TRANK1: variants seen among roughly 807,000 people sequenced by gnomAD.
TRANK1 encodes tetratricopeptide repeat and ankyrin repeat containing 1.
TRANK1 carries 198 observed loss-of-function variants against 266.0 expected under a neutral mutation model. That is an observed-to-expected ratio of 0.74 (90% confidence interval 0.66 to 0.84). TRANK1 has a LOEUF of 0.84. Among genes scored for constraint, TRANK1 ranks in the 40% least tolerant of loss-of-function variants. TRANK1 has a pLI of 0.00. For missense variants in TRANK1, 3,326 were observed against 3,634.6 expected, an observed-to-expected ratio of 0.92 and a Z score of 2.18; for synonymous variants, 1,396 against 1,384.1, an observed-to-expected ratio of 1.01 and a Z score of -0.19.
chr3:36,858,559 T>G (rs2079090704), intron 12 of TRANK1, among the ~76,000 whole-genome samples, 159 bp downstream of exon 12: 1 of 152,204 alleles, frequency 6.6e-6, no homozygotes, highest in Admixed American at 6.5e-5. Context: ...CCCATTATGC[T>G]ACAAGTGAGG....
chr3:36,892,031 A>T (rs1298838066), intron 7 of TRANK1, among the ~76,000 whole-genome samples, 171 bp downstream of exon 7: 1 of 152,234 alleles, frequency 6.6e-6, no homozygotes, highest in Non-Finnish European at 1.5e-5. Flanking sequence ...CAGGAAAGAT[A>T]AAAATGATAC....
At chr3:36,918,331 A>G (rs1046319384) in intron 1 of TRANK1, among the ~76,000 whole-genome samples, 4 of 151,934 alleles carry the variant, frequency 2.6e-5, no homozygotes, top group African/African-American at 9.7e-5. Context: ...AATCGTTTGT[A>G]CAATATGAAT....
At chr3:36,853,796 T>C (rs575079136) in intron 13 of TRANK1, among the ~76,000 whole-genome samples, 2 of 152,234 alleles carry the variant, frequency 1.3e-5, no homozygotes, top group Non-Finnish European at 2.9e-5. Context: ...TACACTCATA[T>C]GAAATGTCCA....
intron 15 of TRANK1, among the ~76,000 whole-genome samples, chr3:36,848,042 AG>A (rs1424672938): frequency 6.6e-5 from 10 of 152,190 alleles, no homozygotes. Context: ...TACAAACACC[AG>A]GGGTTGCTAA....
upstream of TRANK1, among the ~76,000 whole-genome samples, chr3:36,945,707 G>A (rs2080564200): frequency 6.6e-6 from 1 of 152,156 alleles, no homozygotes. Context: ...CTAGGGAGCC[G>A]GTTTGGTCTT....
intron 15 of TRANK1, chr3:36,851,047 G>A (rs753239995): frequency 1.7e-4 from 166 of 985,462 alleles, no homozygotes; most frequent in Admixed American, 2.5e-4. Flanking sequence ...ACGGCTGTGA[G>A]TTGGTAGCTC....
rs148763433 is a variant in TRANK1, at chr3:36,853,935, T to TA, written c.4549+1237dup. ...TTAATTTCTGAAAATGTTCTAGAAT[T>TA]AGATGATGGTGATAGTTACACAATT... On this transcript the variant is annotated intron_variant, in intron 13 of 23. Transcript: ENST00000645898. Among the ~76,000 whole-genome samples, 308 of 152,310 alleles carry TA rather than the reference T, an allele frequency of 2.0e-3. 2 individuals carry two copies. The highest frequency in any genetic ancestry group is 6.8e-3 in the African/African-American group (281 of 41,564).
intron 3 of TRANK1, 34 bp downstream of exon 3, chr3:36,903,115 C>T: frequency 6.5e-7 from 1 of 1,528,304 alleles, no homozygotes; most frequent in South Asian, 1.2e-5. Flanking sequence ...ACTCTCAAGT[C>T]ATCTCCCCAC....
intron 3 of TRANK1, among the ~76,000 whole-genome samples, chr3:36,900,913 G>T (rs2079870781): frequency 7.2e-6 from 1 of 139,204 alleles, no homozygotes; most frequent in South Asian, 2.3e-4. Flanking sequence ...CATAAAAAAG[G>T]AAGTACTTTA....
At chr3:36,893,578 G>A (rs1238286659) in intron 5 of TRANK1, among the ~76,000 whole-genome samples, 2 of 152,112 alleles carry the variant, frequency 1.3e-5, no homozygotes, top group African/African-American at 2.4e-5. Context: ...GCTACAAATC[G>A]GGACCTTTTC....
At chr3:36,859,877 A>T (rs1374776723) in intron 11 of TRANK1, among the ~76,000 whole-genome samples, 2 of 152,082 alleles carry the variant, frequency 1.3e-5, no homozygotes, top group Non-Finnish European at 2.9e-5. Flanking sequence ...AAGCCACCCC[A>T]CCTACCTCCT....
intron 8 of TRANK1, among the ~76,000 whole-genome samples, chr3:36,882,841 TAA>T (rs1036740003): frequency 1.3e-5 from 2 of 152,156 alleles, no homozygotes; most frequent in African/African-American, 4.8e-5. Flanking sequence ...TAATTCATAG[TAA>T]AAGATATTAA....
At position 36,908,730 on chromosome 3, in the gene TRANK1, G is replaced by A. The variant is rs1219374018; in HGVS notation, c.24-276C>T. ...TGGAGGAGGCTGCTTCCATGCATGA[G>A]ACAACATAAACCTGGCAGGTAGTGA... On this transcript the variant is annotated intron_variant, in intron 1 of 23. Transcript: ENST00000645898. Among the ~76,000 whole-genome samples, 9 of 152,298 alleles carry A rather than the reference G, an allele frequency of 5.9e-5. No homozygotes were observed. The South Asian group carries it at 1.9e-3, about 32-fold the overall frequency.
chr3:36,903,962 T>C (rs558896744), intron 2 of TRANK1, among the ~76,000 whole-genome samples: 5 of 150,904 alleles, frequency 3.3e-5, no homozygotes, highest in African/African-American at 1.2e-4. Flanking sequence ...GACTTCTTTT[T>C]TATTTAATAT....
At chr3:36,866,240 C>T (rs530285045) in intron 9 of TRANK1, among the ~76,000 whole-genome samples, 5 of 152,188 alleles carry the variant, frequency 3.3e-5, no homozygotes, top group African/African-American at 9.6e-5. Flanking sequence ...TATTTTCACA[C>T]CAAGTGAAAA....
At chr3:36,874,054 TA>T in intron 9 of TRANK1, 71 bp downstream of exon 9, 1 of 1,371,950 alleles carries the variant, frequency 7.3e-7, no homozygotes, top group Non-Finnish European at 9.7e-7. Context: ...CAAAAAGAGA[TA>T]AACTGATTTG....
chr3:36,916,544 A>G (rs1480711163), intron 1 of TRANK1, among the ~76,000 whole-genome samples: 1 of 152,204 alleles, frequency 6.6e-6, no homozygotes, highest in African/African-American at 2.4e-5. Flanking sequence ...TGGGTGACAG[A>G]GCAAGACTCT....
At position 36,870,914 on chromosome 3, in the gene TRANK1, C is replaced by T. The variant is rs190323388; in HGVS notation, c.1078+3212G>A. ...AAGAACCTTGCCTCAGAAGACAAGG[C>T]ATTTTTAGGATTAACAGATATTCAA... On this transcript the variant is annotated intron_variant, in intron 9 of 23. Coordinates refer to ENST00000645898, the MANE Select transcript of TRANK1 (RefSeq NM_001329998.2). 2.4e-5 allele frequency among the ~76,000 whole-genome samples: 3 copies of T among 127,306 alleles called. No homozygotes were observed. The Admixed American group carries it at 2.8e-4, about 12-fold the overall frequency. 83.5% of individuals were successfully genotyped at this position (127,306 alleles called of 152,430 possible).
At chr3:36,859,118 G>A (rs566777892) in intron 11 of TRANK1, among the ~76,000 whole-genome samples, 5 of 152,210 alleles carry the variant, frequency 3.3e-5, no homozygotes, top group South Asian at 2.1e-4. Context: ...CCTCACCCCC[G>A]CCTCCTCTCC....
Sources: gnomAD v4.1 joint callset for allele counts (sites outside exome capture counted in the v4.1 genomes callset) on GRCh38, gnomAD v4.1.1 for gene constraint, MANE v1.5 for transcripts, NCBI Gene and HGNC (gene_info 2026-07-23, HGNC 2026-07-21) for gene names.